The following UNC79 variants were observed in gnomAD, a reference collection of about 807,000 sequenced individuals.
UNC79 encodes unc-79 subunit of NALCN channel complex.
In UNC79, 37 loss-of-function variants were observed where a neutral mutation model predicts 283.1. The observed-to-expected ratio is 0.13, with a 90% CI of 0.10 to 0.17. The LOEUF is 0.17. Ranked by LOEUF, UNC79 falls within the 10% of genes least tolerant of loss-of-function variation. The probability of loss-of-function intolerance (pLI) is 1.00; values close to 1 mark genes in which losing one functional copy is unlikely to be tolerated. For synonymous variants in UNC79, 1,107 were observed against 1,200.2 expected (o/e 0.92, Z 1.61); for missense variants, 2,272 against 3,211.1 (o/e 0.71, Z 7.07).
At position 93,595,730 on chromosome 14, in the gene UNC79, T is replaced by TC. The variant is rs2065033129; in HGVS notation, c.3191-1626dup. Among the ~76,000 whole-genome samples the TC allele has an allele frequency of 2.0e-5, 3 of 152,194 alleles. No homozygotes were observed. In the South Asian group the frequency reaches 6.2e-4, roughly 32 times the overall value. ...AGAGTGGTTTATGTATCCCCGGATC[T>TC]CCCATAGCATTTTATTTATACCACA... On this transcript the variant is annotated intron_variant, in intron 23 of 48. Transcript: ENST00000555664.
At chr14:93,367,081 G>T (rs1164209237) in intron 1 of UNC79, among the ~76,000 whole-genome samples, 1 of 152,026 alleles carries the variant, frequency 6.6e-6, no homozygotes, top group Non-Finnish European at 1.5e-5. Flanking sequence ...TACTGACTTT[G>T]ATTTGAAGAC....
chr14:93,513,937 T>G (rs1025209861), intron 7 of UNC79, among the ~76,000 whole-genome samples: 1 of 152,168 alleles, frequency 6.6e-6, no homozygotes, highest in Admixed American at 6.5e-5. Flanking sequence ...TGTTATGTAG[T>G]AAAAGCAGTG....
chr14:93,637,261 T>G lies in UNC79; in HGVS notation c.5762T>G (p.Leu1921Arg), dbSNP rs1335760453. The change falls in exon 32 of 49, where the codon CTA (leucine) becomes CGA (arginine). Residue 1921 changes from leucine (L) to arginine (R), a missense_variant. This residue lies in a region of UNC79 where 580 missense variants were observed against 632.2 expected (regional missense o/e 0.92). Transcript: ENST00000555664. ...CGCCAGTGTAACGTGCCAACGTGCC[T>G]AAACCCTGACCTGGAGGGACAGCCA... 15 of 1,601,430 alleles carry G rather than the reference T, an allele frequency of 9.4e-6. No individual in the cohort carries two copies. Among genetic ancestry groups the G allele is most frequent in the Non-Finnish European group, 1.3e-5 (15 of 1,168,608 alleles).
upstream of UNC79, among the ~76,000 whole-genome samples, chr14:93,427,776 G>A (rs1329053915): frequency 2.0e-5 from 3 of 151,832 alleles, no homozygotes; most frequent in East Asian, 5.8e-4. Flanking sequence ...TAAAATATAA[G>A]GACATAACCA....
At chr14:93,387,482 C>CT (rs958400963) in intron 1 of UNC79, among the ~76,000 whole-genome samples, 6 of 152,152 alleles carry the variant, frequency 3.9e-5, no homozygotes, top group Non-Finnish European at 5.9e-5. Flanking sequence ...TTTCTTCTTA[C>CT]TTTCTTCATT....
chr14:93,592,218 A>T (rs2064743141), intron 22 of UNC79, among the ~76,000 whole-genome samples: 1 of 127,496 alleles, frequency 7.8e-6, no homozygotes, highest in Admixed American at 9.9e-5. Context: ...TCTGTCGCCC[A>T]GGCTGGAGTG....
At chr14:93,421,870 A>G (rs1248192066) in intron 1 of UNC79, among the ~76,000 whole-genome samples, 2 of 151,748 alleles carry the variant, frequency 1.3e-5, no homozygotes, top group African/African-American at 4.8e-5. Context: ...CAAATCAATC[A>G]TGTGAGACAT....
At chr14:93,525,646 G>A (rs963508322) in intron 8 of UNC79, among the ~76,000 whole-genome samples, 3 of 152,128 alleles carry the variant, frequency 2.0e-5, no homozygotes, top group Admixed American at 2.0e-4. Context: ...TTTTCACAAT[G>A]ATGAGACTTT....
intron 30 of UNC79, among the ~76,000 whole-genome samples, chr14:93,625,045 G>A (rs903841175): frequency 3.3e-5 from 5 of 152,116 alleles, no homozygotes; most frequent in South Asian, 2.1e-4. Context: ...TTTCTCCTTC[G>A]TTACCCTGAC....
Position 93,586,592 on chromosome 14 carries a change from A to G in UNC79, c.2804-4A>G, listed in dbSNP as rs1421262666. On this transcript the variant is annotated splice_region_variant and splice_polypyrimidine_tract_variant and intron_variant, in intron 20 of 48. Transcript: ENST00000555664. ...CTAATTTTTGTGTAATTATTTCTTC[A>G]CAGCAGTAAAGAATGATACCGAAAG... is the stretch of plus-strand genomic sequence containing the variant. 6.2e-7 allele frequency: 1 copy of G among 1,612,118 alleles called. No homozygotes were observed. Among genetic ancestry groups the G allele is most frequent in the Non-Finnish European group, 8.5e-7 (1 of 1,179,106 alleles).
chr14:93,422,262 A>T (rs12100516), intron 1 of UNC79, among the ~76,000 whole-genome samples: 13,681 of 151,824 alleles, frequency 0.09, 860 homozygotes, highest in Middle Eastern at 0.21. Flanking sequence ...AAATTTTCTG[A>T]TTGGCAATTG....
At chr14:93,625,068 T>A (rs924706011) in intron 30 of UNC79, among the ~76,000 whole-genome samples, 3 of 152,170 alleles carry the variant, frequency 2.0e-5, no homozygotes, top group African/African-American at 7.2e-5. Flanking sequence ...CTGAAACCCT[T>A]CCCCTGTGTC....
At chr14:93,554,261 T>C (rs2062040696) in intron 14 of UNC79, among the ~76,000 whole-genome samples, 1 of 150,102 alleles carries the variant, frequency 6.7e-6, no homozygotes, top group Non-Finnish European at 1.5e-5. Context: ...GGCAGGAGAG[T>C]CACTTGAACC....
upstream of UNC79, among the ~76,000 whole-genome samples, chr14:93,426,790 C>T (rs2055741425): frequency 6.6e-6 from 1 of 152,026 alleles, no homozygotes; most frequent in Non-Finnish European, 1.5e-5. Flanking sequence ...CTGCACTGAG[C>T]AGACTTACAT....
intron 7 of UNC79, among the ~76,000 whole-genome samples, chr14:93,517,614 A>G (rs1011104597): frequency 1.3e-5 from 2 of 151,902 alleles, no homozygotes; most frequent in Admixed American, 6.6e-5. Flanking sequence ...CATTCTGTTA[A>G]TATGGTAAAT....
chr14:93,473,195 A>G (rs532959169), intron 2 of UNC79, among the ~76,000 whole-genome samples: 4 of 152,194 alleles, frequency 2.6e-5, no homozygotes, highest in East Asian at 1.9e-4. Flanking sequence ...GCAGTAATAT[A>G]TGAAATCTTA....
At chr14:93,653,890 T>A (rs1450201573) in intron 36 of UNC79, 36 bp downstream of exon 39, 1 of 1,613,984 alleles carries the variant, frequency 6.2e-7, no homozygotes, top group South Asian at 1.1e-5. Flanking sequence ...CACCACAAAT[T>A]TGCCTCATCC....
intron 1 of UNC79, among the ~76,000 whole-genome samples, chr14:93,369,553 T>C (rs2054401772): frequency 6.6e-6 from 1 of 152,214 alleles, no homozygotes; most frequent in African/African-American, 2.4e-5. Flanking sequence ...TGGGAACAAG[T>C]GCCCAGGTAG....
At chr14:93,346,975 G>A (rs1595370361) in intron 1 of UNC79, among the ~76,000 whole-genome samples, 1 of 152,004 alleles carries the variant, frequency 6.6e-6, no homozygotes, top group Non-Finnish European at 1.5e-5. Flanking sequence ...CAGAGCAGGG[G>A]TGTGCTGGGT....
Sources: gnomAD v4.1 joint callset for allele counts (sites outside exome capture counted in the v4.1 genomes callset) on GRCh38, gnomAD v4.1.1 for gene constraint, gnomAD v4.1.1 regional missense constraint, MANE v1.5 for transcripts, NCBI Gene and HGNC (gene_info 2026-07-23, HGNC 2026-07-21) for gene names.